The following SETD3 variants were observed in gnomAD, a reference collection of about 807,000 sequenced individuals.
The protein encoded by SETD3 is SET domain containing 3, actin N3(tau)-histidine methyltransferase.
Under a neutral mutation model 63.0 loss-of-function variants are expected in SETD3, and 19 were observed. The observed-to-expected ratio is 0.30, with a 90% CI of 0.21 to 0.44. The LOEUF (loss-of-function observed/expected upper bound fraction) is 0.44, where lower values mean the gene tolerates loss of function less well. SETD3 is among the 20% of genes least tolerant of loss of function. The pLI is 1.00. For missense variants in SETD3, 587 were observed against 728.5 expected, an observed-to-expected ratio of 0.81 and a Z score of 2.24; for synonymous variants, 286 against 264.1, an observed-to-expected ratio of 1.08 and a Z score of -0.80.
intron 1 of SETD3, among the ~76,000 whole-genome samples, chr14:99,467,777 G>C (rs777701693): frequency 6.6e-6 from 1 of 152,144 alleles, no homozygotes; most frequent in Non-Finnish European, 1.5e-5. Flanking sequence ...AGTGAGCCTG[G>C]GACAGGGCTG....
intron 6 of SETD3, among the ~76,000 whole-genome samples, chr14:99,448,558 CT>C (rs1894269606): frequency 6.6e-6 from 1 of 152,166 alleles, no homozygotes; most frequent in Admixed American, 6.5e-5. Context: ...CCCATAATAT[CT>C]ACCCAGTTCC....
At chr14:99,455,530 T>G (rs1236757512) in intron 6 of SETD3, among the ~76,000 whole-genome samples, 1 of 152,178 alleles carries the variant, frequency 6.6e-6, no homozygotes, top group East Asian at 1.9e-4. Flanking sequence ...CTAAAATACC[T>G]TCTCCTCACC....
chr14:99,403,410 T>C (rs1178816781), intron 11 of SETD3, among the ~76,000 whole-genome samples: 1 of 150,414 alleles, frequency 6.6e-6, no homozygotes, highest in Non-Finnish European at 1.5e-5. Flanking sequence ...GGATTTAAGG[T>C]AGTTAACAAC....
intron 3 of SETD3, 48 bp from the exon 4 acceptor site, chr14:99,461,388 T>C: frequency 1.3e-6 from 2 of 1,572,170 alleles, no homozygotes; most frequent in Non-Finnish European, 1.7e-6. Context: ...TTAGGACACA[T>C]ATCATTCACA....
chr14:99,404,608 A>G (rs1010042300), intron 10 of SETD3, among the ~76,000 whole-genome samples: 3 of 140,672 alleles, frequency 2.1e-5, no homozygotes, highest in African/African-American at 7.5e-5. Flanking sequence ...AAACATACAC[A>G]TGGTTTTTAA....
chr14:99,481,408 C>A, upstream of SETD3: 1 of 398,724 alleles, frequency 2.5e-6, no homozygotes, highest in South Asian at 1.3e-4. Context: ...CGTAGGTCCC[C>A]GACATTCCAT....
chr14:99,441,544 G>A (rs1439531264), intron 6 of SETD3, among the ~76,000 whole-genome samples: 7 of 152,216 alleles, frequency 4.6e-5, no homozygotes, highest in Non-Finnish European at 7.3e-5. Context: ...GGACAAAACC[G>A]CACGCTAGCA....
In SETD3 at chr14:99,406,506, C is replaced by T. The variant is rs761019574; in HGVS notation, c.924+10G>A. 2.1e-5 allele frequency: 34 copies of T among 1,613,712 alleles called. No homozygotes were observed. The highest frequency in any genetic ancestry group is 2.7e-5 in the African/African-American group (2 of 74,888). ...CTGGCTCACATTTTGTGAGATGCCA[C>T]GAGACCCACCTGCTCTCCAGCCCGA... On this transcript the variant is annotated intron_variant, in intron 9 of 12. Transcript: ENST00000331768.
intron 6 of SETD3, among the ~76,000 whole-genome samples, chr14:99,440,911 C>T (rs1286792963): frequency 1.3e-5 from 2 of 151,990 alleles, no homozygotes; most frequent in African/African-American, 4.8e-5. Context: ...CTAATAAAAG[C>T]TAAGGATCTG....
chr14:99,399,197 G>T, intron 12 of SETD3, 72 bp from the exon 13 acceptor site: 1 of 1,388,422 alleles, frequency 7.2e-7, no homozygotes, highest in Non-Finnish European at 1.0e-6. Flanking sequence ...GGGCACAACG[G>T]CTGGGGATGG....
intron 1 of SETD3, among the ~76,000 whole-genome samples, chr14:99,468,847 A>G (rs1895539257): frequency 6.6e-6 from 1 of 152,230 alleles, no homozygotes; most frequent in South Asian, 2.1e-4. Flanking sequence ...ACATACCAGC[A>G]TCCCTTCAGG....
chr14:99,467,072 C>A (rs541418017), intron 1 of SETD3, among the ~76,000 whole-genome samples: 2 of 143,240 alleles, frequency 1.4e-5, no homozygotes, highest in South Asian at 4.7e-4. Context: ...GTAACTGAGT[C>A]CATGCAAATA....
intron 6 of SETD3, among the ~76,000 whole-genome samples, chr14:99,451,906 C>T (rs1354475109): frequency 6.6e-6 from 1 of 152,114 alleles, no homozygotes; most frequent in Non-Finnish European, 1.5e-5. Flanking sequence ...AGGATATATA[C>T]AGTGAGTGTC....
upstream of SETD3, chr14:99,481,564 C>T: frequency 2.5e-6 from 1 of 398,198 alleles, no homozygotes; most frequent in Non-Finnish European, 4.4e-6. Flanking sequence ...CCGCCGCTAT[C>T]CACTGGCGGA....
At chr14:99,409,097 A>C (rs974220624) in intron 8 of SETD3, among the ~76,000 whole-genome samples, 6 of 152,130 alleles carry the variant, frequency 3.9e-5, no homozygotes, top group African/African-American at 1.4e-4. Flanking sequence ...CAGCCACCCG[A>C]TGTCAAGCAA....
intron 1 of SETD3, among the ~76,000 whole-genome samples, chr14:99,470,847 C>A (rs960131742): frequency 1.3e-5 from 2 of 152,190 alleles, no homozygotes; most frequent in African/African-American, 4.8e-5. Flanking sequence ...TATATGTACT[C>A]CGTTCAGCCC....
intron 6 of SETD3, among the ~76,000 whole-genome samples, chr14:99,435,456 CAACAG>C (rs1302855233): frequency 5.3e-5 from 8 of 152,268 alleles, no homozygotes; most frequent in Admixed American, 5.2e-4. Context: ...ACTAGGGATT[CAACAG>C]AACGGAGCTG....
chr14:99,416,489 TAA>T (rs1892297874), intron 6 of SETD3, among the ~76,000 whole-genome samples: 1 of 152,180 alleles, frequency 6.6e-6, no homozygotes, highest in Non-Finnish European at 1.5e-5. Flanking sequence ...AATATACAAT[TAA>T]AACAGAAAAC....
intron 1 of SETD3, among the ~76,000 whole-genome samples, chr14:99,480,486 G>A (rs3918027): frequency 0.5 from 75,749 of 150,920 alleles, 19,601 homozygotes; most frequent in Non-Finnish European, 0.58. Context: ...CAGGGCGCCC[G>A]GGCAGAGGCC....
Sources: gnomAD v4.1 joint callset for allele counts (sites outside exome capture counted in the v4.1 genomes callset) on GRCh38, gnomAD v4.1.1 for gene constraint, MANE v1.5 for transcripts, NCBI Gene and HGNC (gene_info 2026-07-23, HGNC 2026-07-21) for gene names.